Variants in MDN1 observed in about 807,000 individuals in gnomAD.
MDN1 encodes midasin AAA ATPase 1.
Under a neutral mutation model 669.2 loss-of-function variants are expected in MDN1, and 266 were observed. The ratio of observed to expected loss-of-function variants is 0.40; its 90% CI spans 0.36 to 0.44. The LOEUF is 0.44. MDN1 is among the 20% of genes least tolerant of loss of function. MDN1 has a pLI of 1.00. For synonymous variants in MDN1, 2,385 were observed against 2,457.1 expected (o/e 0.97, Z 0.87); for missense variants, 5,940 against 6,754.0 (o/e 0.88, Z 4.22).
intron 46 of MDN1, among the ~76,000 whole-genome samples, chr6:89,714,239 T>C (rs1814168762): frequency 2.0e-5 from 3 of 152,078 alleles, no homozygotes; most frequent in East Asian, 1.9e-4. Context: ...TTGATGACCC[T>C]GGAGAAATGA....
chr6:89,729,157 A>C lies in MDN1; in HGVS notation c.5141-18T>G, dbSNP rs777663668. 30 of 1,596,866 alleles carry C rather than the reference A, an allele frequency of 1.9e-5. No homozygotes were observed. Among genetic ancestry groups the C allele is most frequent in the Non-Finnish European group, 2.3e-5 (27 of 1,171,114 alleles). On this transcript the variant is annotated intron_variant, in intron 35 of 101. Coordinates refer to ENST00000369393, the MANE Select transcript of MDN1 (RefSeq NM_014611.3). ...GACAGGTCCTTAAGTGGAGAAAAGT[A>C]AAGTCATGTATAAGCGGGACATCAT...
chr6:89,789,688 G>T (rs1287098522), intron 7 of MDN1, 92 bp downstream of exon 7: 4 of 1,419,566 alleles, frequency 2.8e-6, no homozygotes, highest in Non-Finnish European at 3.8e-6. Context: ...ATACATTTTT[G>T]TTTAAATCAT....
intron 11 of MDN1, among the ~76,000 whole-genome samples, chr6:89,778,936 A>AATT (rs1332262512): frequency 1.4e-5 from 2 of 137,934 alleles, no homozygotes; most frequent in Non-Finnish European, 3.0e-5. Flanking sequence ...ATAAATAAAA[A>AATT]AAAAGGTATA....
At chr6:89,725,168 CTT>C (rs1364374937) in intron 38 of MDN1, 29 bp downstream of exon 38, 1 of 1,603,770 alleles carries the variant, frequency 6.2e-7, no homozygotes, top group African/African-American at 1.3e-5. Context: ...CCGAGTCTAT[CTT>C]TGGTCTCTAT....
intron 33 of MDN1, among the ~76,000 whole-genome samples, chr6:89,737,730 T>C (rs1273837485): frequency 2.0e-5 from 3 of 150,998 alleles, no homozygotes; most frequent in Non-Finnish European, 4.4e-5. Context: ...CTAATTTTTT[T>C]TTTTTTTTTT....
Position 89,642,656 on chromosome 6 carries a change from G to A in MDN1, c.*1349C>T, listed in dbSNP as rs1389673747. ...TAGTAAGAGCAACATGGAAGTAGGAGGGGATCATGTTAGCACAGCATCAAC... is the reference window on the plus strand; with the variant it reads ...TAGTAAGAGCAACATGGAAGTAGGAAGGGATCATGTTAGCACAGCATCAAC... On this transcript the variant is annotated 3_prime_UTR_variant, in exon 102 of 102. Transcript: ENST00000369393. The A allele has an allele frequency of 6.6e-6, 1 of 152,328 alleles. No homozygotes were observed. Among genetic ancestry groups the A allele is most frequent in the Non-Finnish European group, 1.5e-5 (1 of 68,038 alleles). 9.4% of individuals were successfully genotyped at this position (152,328 alleles called of 1,614,324 possible). A position where few individuals can be genotyped will look rare whatever the true frequency, so the allele number is the denominator to read the frequency against.
At position 89,695,981 on chromosome 6, in the gene MDN1, G is replaced by A. The variant is rs994984563; in HGVS notation, c.9395C>T (p.Ser3132Phe). 8.7e-6 allele frequency: 14 copies of A among 1,607,158 alleles called. No homozygotes were observed. Among genetic ancestry groups the A allele is most frequent in the Admixed American group, 1.7e-5 (1 of 59,836 alleles). Residue 3132 changes from serine (S) to phenylalanine (F), a missense_variant, in exon 61 of 102, where the codon TCC (serine) becomes TTC (phenylalanine). By Grantham distance (155) the Ser-to-Phe change is radical. Coordinates refer to ENST00000369393, the MANE Select transcript of MDN1 (RefSeq NM_014611.3). This position sits in a 1 kb window ranked among gnomAD's most constrained non-coding sequence, Gnocchi z 4.1. ...SSVAEFRRTD[S>F]QLQGQVLFRH... ...GAACAGCACCTGCCCCTGGAGTTGG[G>A]AATCCGTGCGTCTGTGGGGACAAAA...
chr6:89,780,088 A>AG (rs955674391), intron 11 of MDN1, 124 bp downstream of exon 11: 2 of 568,564 alleles, frequency 3.5e-6, no homozygotes, highest in African/African-American at 3.9e-5. Flanking sequence ...AAACAAAAAA[A>AG]GAATAACAAA....
At chr6:89,779,892 C>G (rs544433088) in intron 11 of MDN1, among the ~76,000 whole-genome samples, 128 of 152,018 alleles carry the variant, frequency 8.4e-4, no homozygotes, top group African/African-American at 2.9e-3. Context: ...ATGGTGAAAC[C>G]TCGTTTCTAC....
chr6:89,730,764 T>C lies in MDN1; in HGVS notation c.5102A>G (p.Asp1701Gly), dbSNP rs778696845. 3.1e-6 allele frequency: 5 copies of C among 1,613,968 alleles called. No homozygotes were observed. The Admixed American group carries it at 5.0e-5, about 16-fold the overall frequency. ...AAATGGATGAATTCCCCAAAGGTTA[T>C]CTATTCCAGTGAATTCTTTGGCCTT... ...RMKAKEFTGI[D>G]NLWGIHPFFI... Residue 1701 changes from aspartate to glycine, a missense_variant, in exon 35 of 102, where the codon GAT (aspartate) becomes GGT (glycine). This residue lies in a region of MDN1 where 2,292 missense variants were observed against 2,638.3 expected (regional missense o/e 0.87). Coordinates refer to ENST00000369393, the MANE Select transcript of MDN1 (RefSeq NM_014611.3).
intron 32 of MDN1, among the ~76,000 whole-genome samples, chr6:89,739,340 T>G (rs921484826): frequency 2.0e-5 from 3 of 152,212 alleles, no homozygotes; most frequent in African/African-American, 7.2e-5. Context: ...GACCTCTCTG[T>G]GGCATTTCTA....
chr6:89,744,543 C>T (rs139794468), intron 29 of MDN1, among the ~76,000 whole-genome samples: 231 of 152,212 alleles, frequency 1.5e-3, no homozygotes, highest in African/African-American at 5.3e-3. Context: ...GCTAGGACTA[C>T]AGGCAGATGC....
rs1811036066 is a variant in MDN1 at position 89,674,310 on chromosome 6, TA to T, written c.13040del (p.Val4347GlufsTer5). The part of the protein sequence containing the change: ...PELSKGQLCG[V>X]VLDLIPSNLS... ...GATTGGAAGGAATTAGGTCCAGCAC[TA>T]CTCCACAAAGTTGTCCCTTGCTAAG... is the stretch of plus-strand genomic sequence containing the variant. On this transcript the variant is annotated frameshift_variant, in exon 79 of 102. Transcript: ENST00000369393. LOFTEE classifies it high-confidence loss of function. 1 of 1,614,262 alleles carries T rather than the reference TA, an allele frequency of 6.2e-7. No homozygotes were observed. Among genetic ancestry groups the T allele is most frequent in the Non-Finnish European group, 8.5e-7 (1 of 1,180,050 alleles).
chr6:89,786,173 C>T (rs1339326386), intron 8 of MDN1, among the ~76,000 whole-genome samples: 2 of 152,064 alleles, frequency 1.3e-5, no homozygotes, highest in Non-Finnish European at 2.9e-5. Context: ...GCACGAGAAT[C>T]GCTTGAACCC....
At chr6:89,791,030 A>G (rs1819244153) in intron 5 of MDN1, among the ~76,000 whole-genome samples, 2 of 152,196 alleles carry the variant, frequency 1.3e-5, no homozygotes, top group East Asian at 1.9e-4. Context: ...CTCAAAATAA[A>G]TAAATAAATA....
At chr6:89,805,960 C>T (rs933178473) in intron 1 of MDN1, among the ~76,000 whole-genome samples, 6 of 151,582 alleles carry the variant, frequency 4.0e-5, no homozygotes, top group Non-Finnish European at 5.9e-5. Context: ...TCTTTTGAGA[C>T]AAGGTCTTGG....
At chr6:89,736,253 A>C (rs1413617961) in intron 33 of MDN1, among the ~76,000 whole-genome samples, 1 of 152,144 alleles carries the variant, frequency 6.6e-6, no homozygotes, top group African/African-American at 2.4e-5. Flanking sequence ...GCCTGGAGTA[A>C]ACAAGCTCCT....
At chr6:89,674,713 G>T in intron 78 of MDN1, 124 bp from the exon 79 acceptor site, 1 of 1,308,888 alleles carries the variant, frequency 7.6e-7, no homozygotes, top group Non-Finnish European at 1.0e-6. Flanking sequence ...CAAGAAGGAA[G>T]AATCCCCCAG....
At chr6:89,784,966 A>C in intron 9 of MDN1, 46 bp downstream of exon 9, 1 of 1,242,870 alleles carries the variant, frequency 8.0e-7, no homozygotes, top group Non-Finnish European at 1.2e-6. Flanking sequence ...TTCACGCGGG[A>C]GCCACTGCAC....
Sources: allele counts gnomAD v4.1 joint callset (sites outside exome capture counted in the v4.1 genomes callset), GRCh38; gene constraint gnomAD v4.1.1; regional missense constraint gnomAD v4.1.1; non-coding constraint Gnocchi (gnomAD v3.1); transcripts MANE v1.5; gene names NCBI Gene and HGNC (gene_info 2026-07-23, HGNC 2026-07-21).